Variants in CRACD observed in about 807,000 individuals in gnomAD.
CRACD encodes capping protein-inhibiting regulator of actin dynamics.
CRACD carries 56 observed loss-of-function variants against 106.8 expected under a neutral mutation model. The ratio of observed to expected loss-of-function variants is 0.52; its 90% confidence interval spans 0.42 to 0.66. The LOEUF is 0.66. CRACD is among the 30% of genes least tolerant of loss of function. The pLI is 0.00. For missense variants in CRACD, 1,730 were observed against 1,623.2 expected, an observed-to-expected ratio of 1.07 and a Z score of -1.13; for synonymous variants, 754 against 670.8, an observed-to-expected ratio of 1.12 and a Z score of -1.92.
At chr4:56,165,861 A>G (rs920383570) in intron 1 of CRACD, among the ~76,000 whole-genome samples, 3 of 152,162 alleles carry the variant, frequency 2.0e-5, no homozygotes, top group Non-Finnish European at 4.4e-5. Flanking sequence ...GCTAGTGGAA[A>G]TTGAATTTGT....
At chr4:56,066,321 C>T (rs1732466930) in intron 1 of CRACD, among the ~76,000 whole-genome samples, 1 of 152,102 alleles carries the variant, frequency 6.6e-6, no homozygotes. Flanking sequence ...TTGGAGCATT[C>T]TTAAGTACAT....
chr4:56,132,876 T>G (rs551676237), intron 1 of CRACD, among the ~76,000 whole-genome samples: 62 of 152,352 alleles, frequency 4.1e-4, no homozygotes, highest in African/African-American at 1.4e-3. Context: ...GGCCTAAATT[T>G]GAGCATCTAA....
chr4:56,061,246 C>A (rs112886676), intron 1 of CRACD, among the ~76,000 whole-genome samples: 1 of 152,156 alleles, frequency 6.6e-6, no homozygotes, highest in African/African-American at 2.4e-5. Flanking sequence ...TCATGGCGCA[C>A]GGCAGCCTCG....
intron 1 of CRACD, among the ~76,000 whole-genome samples, chr4:56,076,803 G>A (rs968440296): frequency 5.9e-5 from 9 of 152,334 alleles, no homozygotes; most frequent in African/African-American, 2.2e-4. Flanking sequence ...TGGAAGCTTT[G>A]TGAGGGGGAC....
At chr4:56,185,687 A>C (rs1289441395) in intron 2 of CRACD, among the ~76,000 whole-genome samples, 2 of 152,122 alleles carry the variant, frequency 1.3e-5, no homozygotes, top group African/African-American at 2.4e-5. Context: ...TTAGTTACTT[A>C]ATCTGCAAGG....
chr4:56,054,752 G>A (rs1430398689), intron 1 of CRACD, among the ~76,000 whole-genome samples: 1 of 152,168 alleles, frequency 6.6e-6, no homozygotes, highest in Non-Finnish European at 1.5e-5. Context: ...ATAGTCACAT[G>A]TTATCAGACA....
chr4:56,224,497 A>C (rs1023548791), intron 2 of CRACD, among the ~76,000 whole-genome samples: 13 of 152,328 alleles, frequency 8.5e-5, no homozygotes, highest in African/African-American at 2.9e-4. Flanking sequence ...TCATCTGTAC[A>C]TAGTGATGGT....
intron 2 of CRACD, among the ~76,000 whole-genome samples, chr4:56,257,066 A>G (rs1741397946): frequency 6.8e-6 from 1 of 148,118 alleles, no homozygotes; most frequent in African/African-American, 2.5e-5. Context: ...ACCCTGCAGT[A>G]TATTTTGATG....
At chr4:56,097,712 A>AT (rs1335052706) in intron 1 of CRACD, among the ~76,000 whole-genome samples, 1 of 152,288 alleles carries the variant, frequency 6.6e-6, no homozygotes, top group East Asian at 1.9e-4. Flanking sequence ...ATAGTGAACA[A>AT]TGGTGAAAGG....
rs556641009 is a variant in CRACD, at chr4:56,063,006, C to G, written c.-336+13707C>G. ...AATTAAATTCTCATCATAATTCCCT[C>G]AGGCATCTGTCTTCCTCAGAATGTT... On this transcript the variant is annotated intron_variant, in intron 1 of 10. Transcript: ENST00000682029. 1.4e-4 allele frequency among the ~76,000 whole-genome samples: 21 copies of G among 152,262 alleles called. No individual in the cohort carries two copies. In the South Asian group the frequency reaches 4.4e-3, roughly 32 times the overall value.
rs190164231 is a variant in CRACD at position 56,218,702 on chromosome 4, G to A, written c.-189+39272G>A. On this transcript the variant is annotated intron_variant, in intron 2 of 10. Transcript: ENST00000682029. ...AGCTCATTGTAACCTCAAACACCTGGCCTCAAGCAATTCTCTCGCTTCAGC... is the reference window on the plus strand; with the variant it reads ...AGCTCATTGTAACCTCAAACACCTGACCTCAAGCAATTCTCTCGCTTCAGC... 2.0e-3 allele frequency among the ~76,000 whole-genome samples: 297 copies of A among 151,336 alleles called. 6 individuals are homozygous for A. The highest frequency in any genetic ancestry group is 7.0e-3 in the African/African-American group (288 of 41,204).
At chr4:56,140,441 A>G (rs1316110971) in intron 1 of CRACD, among the ~76,000 whole-genome samples, 1 of 152,192 alleles carries the variant, frequency 6.6e-6, no homozygotes, top group Non-Finnish European at 1.5e-5. Flanking sequence ...TGCTATTTTA[A>G]TAACTTCTTT....
At chr4:56,313,105 A>G (rs532205540) in intron 6 of CRACD, 92 bp from the exon 7 acceptor site, 2 of 1,137,796 alleles carry the variant, frequency 1.8e-6, no homozygotes, top group South Asian at 2.8e-5. Context: ...AGGCTGGGCG[A>G]GGCGCACACT....
intron 2 of CRACD, among the ~76,000 whole-genome samples, chr4:56,253,785 G>A (rs1741181119): frequency 6.6e-6 from 1 of 152,148 alleles, no homozygotes; most frequent in Admixed American, 6.5e-5. Flanking sequence ...GAGGACTTTG[G>A]ACAGTGAAGG....
chr4:56,147,007 A>G (rs1735410131), intron 1 of CRACD, among the ~76,000 whole-genome samples: 1 of 152,160 alleles, frequency 6.6e-6, no homozygotes, highest in East Asian at 1.9e-4. Flanking sequence ...AGTGGTGGCA[A>G]GGTGGGCACG....
chr4:56,328,382 A>G lies in CRACD; in HGVS notation c.*578A>G. ...ATCTTAGTTTTCATGAGTTTTCCCCACTCTGAAGCTGTAACCCAGAAGGCA... is the reference window on the plus strand; with the variant it reads ...ATCTTAGTTTTCATGAGTTTTCCCCGCTCTGAAGCTGTAACCCAGAAGGCA... On this transcript the variant is annotated 3_prime_UTR_variant, in exon 11 of 11. Coordinates refer to ENST00000682029, the MANE Select transcript of CRACD (RefSeq NM_001393381.1). 1 of 518,810 alleles carries G rather than the reference A, an allele frequency of 1.9e-6. No homozygotes were observed. The highest frequency in any genetic ancestry group is 1.4e-5 in the South Asian group (1 of 71,542). The allele number at this position is 518,810 out of a possible 1,614,324, so 32.1% of individuals were successfully genotyped here. A position where few individuals can be genotyped will look rare whatever the true frequency, so the allele number is the denominator to read the frequency against.
At chr4:56,123,300 T>C (rs1255613554) in intron 1 of CRACD, among the ~76,000 whole-genome samples, 1 of 152,216 alleles carries the variant, frequency 6.6e-6, no homozygotes, top group Non-Finnish European at 1.5e-5. Context: ...TTATTTCTTA[T>C]AGTTCCAGAG....
At chr4:56,148,808 GA>G (rs1217325153) in intron 1 of CRACD, among the ~76,000 whole-genome samples, 1 of 147,200 alleles carries the variant, frequency 6.8e-6, no homozygotes, top group African/African-American at 2.6e-5. Flanking sequence ...TTTATCCTTA[GA>G]TTTTTTTTTT....
chr4:56,301,147 T>C (rs996328796), intron 4 of CRACD: 4 of 974,298 alleles, frequency 4.1e-6, no homozygotes, highest in African/African-American at 1.7e-5. Flanking sequence ...ACCATTATCA[T>C]AGAAAATGTG....
Sources: gnomAD v4.1 joint callset for allele counts (sites outside exome capture counted in the v4.1 genomes callset) on GRCh38, gnomAD v4.1.1 for gene constraint, MANE v1.5 for transcripts, NCBI Gene and HGNC (gene_info 2026-07-23, HGNC 2026-07-21) for gene names.